LOX: variants seen among roughly 807,000 people sequenced by gnomAD.
LOX encodes the protein lysyl oxidase.
LOX carries 12 observed loss-of-function variants against 50.5 expected under a neutral mutation model. The ratio of observed to expected loss-of-function variants is 0.24; its 90% CI spans 0.15 to 0.38. The LOEUF is 0.38. Among genes scored for constraint, LOX ranks in the 10% least tolerant of loss-of-function variants. LOX has a pLI of 1.00. For missense variants in LOX, 504 were observed against 563.8 expected (o/e 0.89, Z 1.07); for synonymous variants, 254 against 230.6 (o/e 1.10, Z -0.92).
chr5:122,077,192 A>C lies in LOX; in HGVS notation c.631+163T>G. On this transcript the variant is annotated intron_variant, in intron 1 of 6. Coordinates refer to ENST00000231004, the MANE Select transcript of LOX (RefSeq NM_002317.7). The surrounding 1 kb of genome is among the most constrained non-coding windows in gnomAD (Gnocchi z 4.9). The stretch of plus-strand genomic sequence containing the variant: ...GTGAAAAGGAAGCAGGAGGGGCCAG[A>C]CGCGCGGTTTGCACTGGATTCCAGG... 2 of 1,469,188 alleles carry C rather than the reference A, an allele frequency of 1.4e-6. No homozygotes were observed. The allele number at this position is 1,469,188 out of a possible 1,614,324, so 91.0% of individuals were successfully genotyped here.
chr5:122,072,400 A>T (rs1254471593), intron 4 of LOX, among the ~76,000 whole-genome samples: 1 of 152,232 alleles, frequency 6.6e-6, no homozygotes, highest in Non-Finnish European at 1.5e-5. Context: ...CAGCAATTTG[A>T]GTTTTAGCAA....
chr5:122,070,782 A>G, intron 4 of LOX, 193 bp from the exon 5 acceptor site: 2 of 449,002 alleles, frequency 4.5e-6, no homozygotes, highest in Non-Finnish European at 7.9e-6. Flanking sequence ...AAAAAGATAC[A>G]GGACTAATAT....
chr5:122,067,122 T>C lies in LOX; in HGVS notation c.1248-373A>G, dbSNP rs569148713. ...GTCAAGGCCTCTGCTCCATCTTGAA[T>C]TAGTCCTTCTCCAGCATGGCTTTGG... On this transcript the variant is annotated intron_variant, in intron 6 of 6. Coordinates refer to ENST00000231004, the MANE Select transcript of LOX (RefSeq NM_002317.7). Among the ~76,000 whole-genome samples the C allele has an allele frequency of 7.9e-5, 12 of 152,156 alleles. No homozygotes were observed. The South Asian group carries it at 1.2e-3, about 16-fold the overall frequency.
chr5:122,066,935 A>T (rs749260159), intron 6 of LOX, among the ~76,000 whole-genome samples, 186 bp from the exon 7 acceptor site: 1 of 152,138 alleles, frequency 6.6e-6, no homozygotes, highest in Non-Finnish European at 1.5e-5. Context: ...GAAAGTGACT[A>T]TGTCAACAGC....
At chr5:122,071,982 T>A (rs1754465173) in intron 4 of LOX, among the ~76,000 whole-genome samples, 1 of 152,188 alleles carries the variant, frequency 6.6e-6, no homozygotes, top group East Asian at 1.9e-4. Context: ...GATCCATACA[T>A]CACTTAACAG....
intron 4 of LOX, 59 bp downstream of exon 4, chr5:122,073,954 G>A (rs890759631): frequency 1.6e-5 from 24 of 1,493,764 alleles, no homozygotes; most frequent in African/African-American, 6.9e-5. Flanking sequence ...GCTAACTAAC[G>A]GTAGATGACC....
chr5:122,066,827 C>T (rs1349061854), intron 6 of LOX, 78 bp from the exon 7 acceptor site: 4 of 936,786 alleles, frequency 4.3e-6, no homozygotes, highest in Admixed American at 1.9e-5. Flanking sequence ...AATTTAAAGT[C>T]AACCTTTTAA....
At chr5:122,070,663 G>T (rs1754424604) in intron 4 of LOX, 74 bp from the exon 5 acceptor site, 2 of 749,828 alleles carry the variant, frequency 2.7e-6, no homozygotes, top group South Asian at 1.9e-5. Context: ...GCTATTATTT[G>T]CAAATTAAAT....
chr5:122,071,781 C>T (rs749706526), intron 4 of LOX, among the ~76,000 whole-genome samples: 1 of 152,178 alleles, frequency 6.6e-6, no homozygotes, highest in Non-Finnish European at 1.5e-5. Flanking sequence ...TCACTTTGGT[C>T]ACCCAAGAGA....
At chr5:122,069,758 A>T (rs1399554101) in intron 6 of LOX, among the ~76,000 whole-genome samples, 2 of 152,092 alleles carry the variant, frequency 1.3e-5, no homozygotes, top group Non-Finnish European at 2.9e-5. Flanking sequence ...CACTCTACAT[A>T]TTGAGCAATT....
Position 122,077,424 on chromosome 5 carries a change from C to G in LOX, c.562G>C (p.Asp188His). ...SDDNPYYNYY[D>H]TYERPRPGGR... ...CCAGGTCTGGGCCTTTCATAAGTAT[C>G]GTAGTAGTTGTAATAAGGGTTGTCG... is the stretch of plus-strand genomic sequence containing the variant. Residue 188 changes from aspartate to histidine, a missense_variant, in exon 1 of 7, where the codon GAT becomes CAT. Coordinates refer to ENST00000231004, the MANE Select transcript of LOX (RefSeq NM_002317.7). This position sits in a 1 kb window ranked among gnomAD's most constrained non-coding sequence, Gnocchi z 4.9. The G allele has an allele frequency of 6.2e-7, 1 of 1,614,076 alleles. No individual in the cohort carries two copies. The highest frequency in any genetic ancestry group is 8.5e-7 in the Non-Finnish European group (1 of 1,179,988).
intron 6 of LOX, among the ~76,000 whole-genome samples, chr5:122,067,397 G>A (rs1015162681): frequency 6.6e-6 from 1 of 152,082 alleles, no homozygotes; most frequent in Non-Finnish European, 1.5e-5. Flanking sequence ...AAATGAAGGA[G>A]AGAGGGTACA....
At chr5:122,074,961 T>C (rs987548970) in intron 3 of LOX, among the ~76,000 whole-genome samples, 4 of 152,214 alleles carry the variant, frequency 2.6e-5, no homozygotes, top group African/African-American at 9.7e-5. Context: ...GATACAGGTC[T>C]TTTAAAAGAT....
chr5:122,072,757 C>G (rs1754486605), intron 4 of LOX, among the ~76,000 whole-genome samples: 1 of 152,078 alleles, frequency 6.6e-6, no homozygotes, highest in Non-Finnish European at 1.5e-5. Flanking sequence ...AACAAGAAAG[C>G]TACCATATAA....
At position 122,077,879 on chromosome 5, in the gene LOX, G is replaced by C; in HGVS notation, c.107C>G (p.Pro36Arg). The change falls in exon 1 of 7, where the codon CCG (proline) becomes CGG (arginine). Residue 36 changes from proline (P) to arginine (R), a missense_variant. By Grantham distance (103) the Pro-to-Arg change is moderately radical. Coordinates refer to ENST00000231004, the MANE Select transcript of LOX (RefSeq NM_002317.7). The surrounding 1 kb of genome is among the most constrained non-coding windows in gnomAD (Gnocchi z 4.9). ...CTGGCGCCAGGCGCCCGGAGCCGCC[G>C]GCGGCTCGCGCGGGGGCTGCTGTTG... ...AGQQQPPREP[P>R]AAPGAWRQQI... 3 of 1,537,026 alleles carry C rather than the reference G, an allele frequency of 2.0e-6. No homozygotes were observed. Among genetic ancestry groups the C allele is most frequent in the South Asian group, 1.2e-5 (1 of 81,946 alleles).
rs1460646902 is a variant in LOX at position 122,063,549 on chromosome 5, G to A, written c.*3194C>T. On this transcript the variant is annotated 3_prime_UTR_variant, in exon 7 of 7. Transcript: ENST00000231004. Reference sequence around the variant, plus strand: ...TTAGAGGATAAATGAAATGTTTAGTGTTTAAAAGTGGCCCAGGAATTTTGG... The same window carrying A: ...TTAGAGGATAAATGAAATGTTTAGTATTTAAAAGTGGCCCAGGAATTTTGG... 1 of 151,850 alleles carries A rather than the reference G, an allele frequency of 6.6e-6. No individual in the cohort carries two copies. Among genetic ancestry groups the A allele is most frequent in the African/African-American group, 2.4e-5 (1 of 41,412 alleles). The allele number at this position is 151,850 out of a possible 1,614,324, so 9.4% of individuals were successfully genotyped here.
In LOX at chr5:122,063,786, G is replaced by A. The variant is rs1402046900; in HGVS notation, c.*2957C>T. 2.0e-5 allele frequency: 3 copies of A among 151,870 alleles called. No homozygotes were observed. The highest frequency in any genetic ancestry group is 7.3e-5 in the African/African-American group (3 of 41,374). The allele number at this position is 151,870 out of a possible 1,614,324, so 9.4% of individuals were successfully genotyped here. On this transcript the variant is annotated 3_prime_UTR_variant, in exon 7 of 7. Coordinates refer to ENST00000231004, the MANE Select transcript of LOX (RefSeq NM_002317.7). ...GCTAAAGATTAACTCTCAGTGCCAG[G>A]AAAATTTTAATGAATTGCATTTCTT...
chr5:122,069,318 C>G (rs1227640107), intron 6 of LOX, among the ~76,000 whole-genome samples: 1 of 152,070 alleles, frequency 6.6e-6, no homozygotes, highest in Admixed American at 6.6e-5. Flanking sequence ...GAAGGCATAA[C>G]TCAAGTGGCA....
At chr5:122,069,347 C>A (rs1358879457) in intron 6 of LOX, among the ~76,000 whole-genome samples, 1 of 152,104 alleles carries the variant, frequency 6.6e-6, no homozygotes, top group Non-Finnish European at 1.5e-5. Flanking sequence ...TATAATCTAG[C>A]ACCCAGCAAC....
Sources: allele counts gnomAD v4.1 joint callset (sites outside exome capture counted in the v4.1 genomes callset), GRCh38; gene constraint gnomAD v4.1.1; non-coding constraint Gnocchi (gnomAD v3.1); transcripts MANE v1.5; gene names NCBI Gene and HGNC (gene_info 2026-07-23, HGNC 2026-07-21).